The following SHISA9 variants were observed in gnomAD, a reference collection of about 807,000 sequenced individuals.
SHISA9 encodes the protein shisa family member 9, also known as protein shisa-9.
Under a neutral mutation model 38.0 loss-of-function variants are expected in SHISA9, and 13 were observed. The observed-to-expected ratio is 0.34, with a 90% CI of 0.22 to 0.54. SHISA9 has a LOEUF of 0.54. SHISA9 is among the 20% of genes least tolerant of loss of function. SHISA9 has a pLI of 0.91. For synonymous variants in SHISA9, 275 were observed against 242.0 expected, an observed-to-expected ratio of 1.14 and a Z score of -1.27; for missense variants, 538 against 575.8, an observed-to-expected ratio of 0.93 and a Z score of 0.67.
chr16:13,532,548 C>CCA, the SHISA9 span, among the ~76,000 whole-genome samples: 1 of 80,668 alleles, frequency 1.2e-5, no homozygotes. Context: ...ATACTATGTG[C>CCA]GTGTGTGTAT....
In SHISA9 at chr16:13,235,486, C is replaced by A; in HGVS notation, c.*77C>A. 7.0e-7 allele frequency: 1 copy of A among 1,436,680 alleles called. No homozygotes were observed. Among genetic ancestry groups the A allele is most frequent in the South Asian group, 1.4e-5 (1 of 70,288 alleles). 89.0% of individuals were successfully genotyped at this position (1,436,680 alleles called of 1,614,324 possible). On this transcript the variant is annotated 3_prime_UTR_variant, in exon 5 of 5. Transcript: ENST00000558583. ...AAAACAACCCCGCCCACACCCTCCC[C>A]ATCCTCCCCTAATACATGCGTCCAC...
chr16:13,180,261 C>G (rs2050765781), intron 2 of SHISA9, among the ~76,000 whole-genome samples: 1 of 152,246 alleles, frequency 6.6e-6, no homozygotes, highest in Non-Finnish European at 1.5e-5. Context: ...TGCCTATCCA[C>G]ATTCCTGTTG....
At chr16:13,136,716 A>G (rs1237569085) in intron 2 of SHISA9, among the ~76,000 whole-genome samples, 1 of 152,106 alleles carries the variant, frequency 6.6e-6, no homozygotes, top group African/African-American at 2.4e-5. Flanking sequence ...CTTCCTTAAT[A>G]GGTAGTCTGA....
At chr16:12,908,120 G>A (rs79301536) in intron 1 of SHISA9, among the ~76,000 whole-genome samples, 1,255 of 43,810 alleles carry the variant, frequency 0.029, 17 homozygotes, top group African/African-American at 0.066. Context: ...AATGAGCTCA[G>A]GACCTGTCAC....
chr16:13,039,477 G>A (rs1189586841), intron 2 of SHISA9, among the ~76,000 whole-genome samples: 2 of 131,950 alleles, frequency 1.5e-5, no homozygotes, highest in Non-Finnish European at 3.1e-5. Context: ...ATGTGTCAAT[G>A]TCATGGGGTT....
chr16:13,297,882 G>C, the SHISA9 span, among the ~76,000 whole-genome samples: 2 of 152,112 alleles, frequency 1.3e-5, no homozygotes, highest in Non-Finnish European at 2.9e-5. Context: ...TCAGCCTCTT[G>C]AGTAGCTGGG....
the SHISA9 span, among the ~76,000 whole-genome samples, chr16:13,264,302 A>G: frequency 0.57 from 86,032 of 151,600 alleles, 25,008 homozygotes; most frequent in African/African-American, 0.68. Context: ...AGCCTCCCAA[A>G]TAGCTGGGAT....
At chr16:13,447,624 G>T in the SHISA9 span, among the ~76,000 whole-genome samples, 3 of 152,094 alleles carry the variant, frequency 2.0e-5, no homozygotes, top group Admixed American at 2.0e-4. Context: ...CATGGAAGTT[G>T]GAATCATTTT....
intron 2 of SHISA9, among the ~76,000 whole-genome samples, chr16:13,011,615 G>A (rs976546964): frequency 6.6e-6 from 1 of 151,954 alleles, no homozygotes; most frequent in East Asian, 1.9e-4. Flanking sequence ...TCTGCCTCCC[G>A]GGTTCATTCC....
At chr16:13,091,093 A>C (rs1423237457) in intron 2 of SHISA9, among the ~76,000 whole-genome samples, 2 of 152,326 alleles carry the variant, frequency 1.3e-5, no homozygotes, top group East Asian at 1.9e-4. Flanking sequence ...TCTGGGTTGA[A>C]AATTCTTTTC....
chr16:13,469,320 G>GAGAGAGAGAGAAAGAA, the SHISA9 span, among the ~76,000 whole-genome samples: 14 of 61,594 alleles, frequency 2.3e-4, no homozygotes, highest in Admixed American at 5.5e-4. Flanking sequence ...GAGAGAGAGA[G>GAGAGAGAGAGAAAGAA]AGAAAGAAAG....
At chr16:13,152,319 G>C (rs1490856528) in intron 2 of SHISA9, among the ~76,000 whole-genome samples, 1 of 152,096 alleles carries the variant, frequency 6.6e-6, no homozygotes, top group African/African-American at 2.4e-5. Flanking sequence ...CTTTAGGCTT[G>C]TTAGGTTTCT....
chr16:13,360,570 C>A, the SHISA9 span, among the ~76,000 whole-genome samples: 1 of 152,282 alleles, frequency 6.6e-6, no homozygotes, highest in African/African-American at 2.4e-5. Context: ...CTTCCCCTTC[C>A]GCCATGATTG....
intron 2 of SHISA9, among the ~76,000 whole-genome samples, chr16:13,183,411 G>A (rs527550630): frequency 1.3e-5 from 2 of 152,376 alleles, no homozygotes; most frequent in Admixed American, 1.3e-4. Context: ...AGTAATAGAA[G>A]TTATAGTAAA....
At chr16:13,243,431 G>A (rs115473149), downstream of SHISA9, among the ~76,000 whole-genome samples, 3,535 of 152,146 alleles carry the variant, frequency 0.023, 60 homozygotes, top group Middle Eastern at 0.048. Context: ...AGAAAGGCAG[G>A]ACAACTCAAA....
At chr16:13,379,470 C>CTCCA in the SHISA9 span, among the ~76,000 whole-genome samples, 1 of 152,220 alleles carries the variant, frequency 6.6e-6, no homozygotes, top group South Asian at 2.1e-4. Flanking sequence ...CCTCCTCCTG[C>CTCCA]TCCAGCCTGC....
At chr16:13,148,921 G>T (rs2050473087) in intron 2 of SHISA9, among the ~76,000 whole-genome samples, 2 of 152,026 alleles carry the variant, frequency 1.3e-5, no homozygotes, top group African/African-American at 4.8e-5. Context: ...CTTATTCCAT[G>T]CTCAAGCAGC....
chr16:13,173,844 G>A (rs1034952688), intron 2 of SHISA9, among the ~76,000 whole-genome samples: 3 of 152,200 alleles, frequency 2.0e-5, no homozygotes, highest in African/African-American at 7.2e-5. Flanking sequence ...AGAGGAGAGT[G>A]GTTGAGCATC....
At chr16:13,517,295 AAGAT>A in the SHISA9 span, among the ~76,000 whole-genome samples, 4 of 152,208 alleles carry the variant, frequency 2.6e-5, no homozygotes, top group African/African-American at 4.8e-5. Flanking sequence ...AACTACCCTG[AAGAT>A]ACCTTGATTT....
Sources: gnomAD v4.1 joint callset for allele counts (sites outside exome capture counted in the v4.1 genomes callset) on GRCh38, gnomAD v4.1.1 for gene constraint, MANE v1.5 for transcripts, NCBI Gene and HGNC (gene_info 2026-07-23, HGNC 2026-07-21) for gene names.